The following BCKDHB variants were observed in gnomAD, a reference collection of about 807,000 sequenced individuals.
BCKDHB encodes the protein branched chain keto acid dehydrogenase E1 subunit beta.
Under a neutral mutation model 48.5 loss-of-function variants are expected in BCKDHB, and 41 were observed. That is an observed-to-expected ratio of 0.85 (90% confidence interval 0.66 to 1.10). The LOEUF (loss-of-function observed/expected upper bound fraction) is 1.10, where lower values mean the gene tolerates loss of function less well. Ranked by LOEUF, BCKDHB falls within the 50% of genes least tolerant of loss-of-function variation. BCKDHB has a pLI of 0.00. For synonymous variants in BCKDHB, 201 were observed against 174.8 expected (o/e 1.15, Z -1.18); for missense variants, 496 against 494.2 (o/e 1.00, Z -0.03).
intron 9 of BCKDHB, among the ~76,000 whole-genome samples, chr6:80,333,757 A>G (rs1769434865): frequency 6.6e-6 from 1 of 152,176 alleles, no homozygotes; most frequent in Admixed American, 6.6e-5. Context: ...TATGTGACTA[A>G]TAGCTTTTTA....
chr6:80,309,262 A>G (rs1448160303), intron 9 of BCKDHB, among the ~76,000 whole-genome samples: 1 of 151,806 alleles, frequency 6.6e-6, no homozygotes, highest in African/African-American at 2.4e-5. Flanking sequence ...CAGGGGTTTC[A>G]CCATGTTGGC....
At chr6:80,436,308 G>A in the BCKDHB span, among the ~76,000 whole-genome samples, 516 of 151,510 alleles carry the variant, frequency 3.4e-3, 6 homozygotes, top group African/African-American at 0.012. Context: ...ACAGGTGACC[G>A]CCACCACACC....
At chr6:80,107,452 TC>T (rs1259513145) in intron 1 of BCKDHB, among the ~76,000 whole-genome samples, 5 of 142,820 alleles carry the variant, frequency 3.5e-5, no homozygotes, top group Admixed American at 2.1e-4. Context: ...TGTGTATATA[TC>T]CACACACATA....
At chr6:80,338,145 T>C (rs576523458) in intron 9 of BCKDHB, among the ~76,000 whole-genome samples, 1 of 152,328 alleles carries the variant, frequency 6.6e-6, no homozygotes, top group South Asian at 2.1e-4. Context: ...AAATTGTTCT[T>C]AGAAATAAAT....
At chr6:80,185,312 A>G (rs1773589409) in intron 6 of BCKDHB, among the ~76,000 whole-genome samples, 1 of 151,034 alleles carries the variant, frequency 6.6e-6, no homozygotes, top group South Asian at 2.1e-4. Context: ...ATACCTTTTC[A>G]TCCATATCCT....
chr6:80,115,166 G>A (rs1769620869), intron 1 of BCKDHB, among the ~76,000 whole-genome samples: 1 of 152,044 alleles, frequency 6.6e-6, no homozygotes, highest in Non-Finnish European at 1.5e-5. Flanking sequence ...AAGGGGTCTT[G>A]CTATGTTGCC....
chr6:80,429,631 A>G, the BCKDHB span, among the ~76,000 whole-genome samples: 134,609 of 152,132 alleles, frequency 0.88, 59,895 homozygotes, highest in East Asian at 0.95. Context: ...TTCTCTTAGC[A>G]GCAATTGTGA....
At chr6:80,352,246 G>A in the BCKDHB span, among the ~76,000 whole-genome samples, 1,772 of 151,914 alleles carry the variant, frequency 0.012, 37 homozygotes, top group African/African-American at 0.04. Flanking sequence ...CCAAAATGCT[G>A]GGACTACAGG....
chr6:80,212,262 T>G (rs1465632752), intron 8 of BCKDHB, among the ~76,000 whole-genome samples: 1 of 152,050 alleles, frequency 6.6e-6, no homozygotes, highest in Non-Finnish European at 1.5e-5. Context: ...AGGGCGTATC[T>G]CAGTCCTTAT....
chr6:80,300,105 G>A (rs567558407), intron 9 of BCKDHB, among the ~76,000 whole-genome samples: 11 of 151,328 alleles, frequency 7.3e-5, no homozygotes, highest in East Asian at 5.8e-4. Context: ...AGACTGGAGC[G>A]TAGCGCTATG....
intron 8 of BCKDHB, among the ~76,000 whole-genome samples, chr6:80,242,471 G>A (rs937902391): frequency 6.6e-6 from 1 of 152,012 alleles, no homozygotes; most frequent in African/African-American, 2.4e-5. Flanking sequence ...TGGTGGGGTG[G>A]GAGCAGGGAG....
chr6:80,354,875 T>C, the BCKDHB span, among the ~76,000 whole-genome samples: 126 of 152,322 alleles, frequency 8.3e-4, no homozygotes, highest in African/African-American at 2.7e-3. Context: ...TCTGGTTTTA[T>C]ACCAGTACTG....
At position 80,344,143 on chromosome 6, in the gene BCKDHB, T is replaced by G. The variant is rs983706229; in HGVS notation, c.*339T>G. On this transcript the variant is annotated 3_prime_UTR_variant, in exon 10 of 10. Coordinates refer to ENST00000320393, the MANE Select transcript of BCKDHB (RefSeq NM_183050.4). Reference sequence around the variant, plus strand: ...CCTCAGCCTGCTGAGTAGTTGGGATTACAGGCGCCCACCACCATGCCCAGC... The same window carrying G: ...CCTCAGCCTGCTGAGTAGTTGGGATGACAGGCGCCCACCACCATGCCCAGC... The G allele has an allele frequency of 1.5e-5, 5 of 338,490 alleles. No individual in the cohort carries two copies. The highest frequency in any genetic ancestry group is 1.1e-4 in the African/African-American group (5 of 46,498). The allele number at this position is 338,490 out of a possible 1,614,324, so 21.0% of individuals were successfully genotyped here. A position where few individuals can be genotyped will look rare whatever the true frequency, so the allele number is the denominator to read the frequency against.
chr6:80,363,080 C>G, the BCKDHB span, among the ~76,000 whole-genome samples: 5 of 152,212 alleles, frequency 3.3e-5, no homozygotes, highest in East Asian at 7.7e-4. Flanking sequence ...CAAGCTTACC[C>G]ACATTTGTAG....
the BCKDHB span, among the ~76,000 whole-genome samples, chr6:80,422,515 C>T: frequency 6.6e-6 from 1 of 152,194 alleles, no homozygotes; most frequent in Non-Finnish European, 1.5e-5. Context: ...ACATTGAAAG[C>T]TTGCACTGTA....
At chr6:80,142,546 A>G (rs1438880234) in intron 3 of BCKDHB, among the ~76,000 whole-genome samples, 1 of 152,130 alleles carries the variant, frequency 6.6e-6, no homozygotes, top group Non-Finnish European at 1.5e-5. Context: ...AGGAATGGGA[A>G]TAAAAACATA....
At chr6:80,133,197 C>A (rs1229809693) in intron 3 of BCKDHB, among the ~76,000 whole-genome samples, 1 of 152,150 alleles carries the variant, frequency 6.6e-6, no homozygotes, top group Non-Finnish European at 1.5e-5. Flanking sequence ...TGAACTGCTG[C>A]AAAGCATTTT....
the BCKDHB span, among the ~76,000 whole-genome samples, chr6:80,408,434 A>C: frequency 1.3e-5 from 2 of 152,178 alleles, no homozygotes; most frequent in Middle Eastern, 6.8e-3. Context: ...AAATGTTACC[A>C]GCTCCTTTTT....
intron 9 of BCKDHB, among the ~76,000 whole-genome samples, chr6:80,330,506 A>G (rs993095043): frequency 6.6e-6 from 1 of 152,172 alleles, no homozygotes; most frequent in Non-Finnish European, 1.5e-5. Context: ...TGGGCTTGTA[A>G]ATCTGTGTAT....
Sources: allele counts gnomAD v4.1 joint callset (sites outside exome capture counted in the v4.1 genomes callset), GRCh38; gene constraint gnomAD v4.1.1; transcripts MANE v1.5; gene names NCBI Gene and HGNC (gene_info 2026-07-23, HGNC 2026-07-21).